The following TRPM4 variants were observed in gnomAD, a reference collection of about 807,000 sequenced individuals.
TRPM4 encodes the protein calcium-activated non-selective cation channel 1.
A neutral mutation model predicts 135.6 loss-of-function variants in TRPM4; 124 were observed. The ratio of observed to expected loss-of-function variants is 0.91; its 90% CI spans 0.79 to 1.06. The LOEUF (loss-of-function observed/expected upper bound fraction) is 1.06, where lower values mean the gene tolerates loss of function less well. Among genes scored for constraint, TRPM4 ranks in the 50% least tolerant of loss-of-function variants. TRPM4 has a pLI of 0.00. For synonymous variants in TRPM4, 745 were observed against 705.6 expected, an observed-to-expected ratio of 1.06 and a Z score of -0.88; for missense variants, 1,658 against 1,671.4, an observed-to-expected ratio of 0.99 and a Z score of 0.14.
At chr19:49,193,435 C>T (rs541373823) in intron 16 of TRPM4, among the ~76,000 whole-genome samples, 40 of 152,260 alleles carry the variant, frequency 2.6e-4, no homozygotes, top group Admixed American at 9.2e-4. Flanking sequence ...TATAATTATT[C>T]TCATTTTGCA....
intron 9 of TRPM4, among the ~76,000 whole-genome samples, chr19:49,176,067 G>A (rs1967681995): frequency 6.6e-6 from 1 of 150,996 alleles, no homozygotes; most frequent in Non-Finnish European, 1.5e-5. Flanking sequence ...GGGATTACAG[G>A]TGCCCACAAC....
At position 49,211,228 on chromosome 19, in the gene TRPM4, C is replaced by T; in HGVS notation, c.3599C>T (p.Pro1200Leu). The part of the protein sequence containing the change: ...AEALSRSALL[P>L]PGGPPPPDLP... ...GCCCTGAGCCGCTCTGCCTTGCTGC[C>T]CCCAGGTGGGCCGCCACCCCCTGAC... is the stretch of plus-strand genomic sequence containing the variant. Residue 1200 changes from proline (P) to leucine (L), a missense_variant, in exon 24 of 25, where the codon CCC becomes CTC. Around this residue, in one of 3 missense-constraint regions of TRPM4, gnomAD observed 1,412 missense variants for 1,408.7 expected, o/e 1.00. Transcript: ENST00000252826. The surrounding 1 kb of genome is among the most constrained non-coding windows in gnomAD (Gnocchi z 4.8). The T allele has an allele frequency of 1.3e-6, 2 of 1,595,000 alleles. No individual in the cohort carries two copies. Among genetic ancestry groups the T allele is most frequent in the Non-Finnish European group, 1.7e-6 (2 of 1,171,500 alleles).
intron 2 of TRPM4, among the ~76,000 whole-genome samples, chr19:49,161,798 T>G (rs1252962891): frequency 6.6e-6 from 1 of 152,028 alleles, no homozygotes; most frequent in Non-Finnish European, 1.5e-5. Context: ...CCTGGCTAAT[T>G]TTTGTACTTT....
At position 49,188,712 on chromosome 19, in the gene TRPM4, C is replaced by A. The variant is rs1344126455; in HGVS notation, c.1815C>A (p.Asp605Glu). Residue 605 changes from aspartate (D) to glutamate (E), a missense_variant, in exon 13 of 25, where the codon GAC (aspartate) becomes GAA (glutamate). Transcript: ENST00000252826. ...LLRVMARLEP[D>E]AEEAARRKDL... is the part of the protein sequence containing the mutation. ...GGGTGATGGCACGCCTGGAGCCTGA[C>A]GCTGAGGAGGCAGCACGGAGGAAAG... is the stretch of plus-strand genomic sequence containing the variant. The A allele has an allele frequency of 6.2e-7, 1 of 1,614,044 alleles. No individual in the cohort carries two copies. Among genetic ancestry groups the A allele is most frequent in the African/African-American group, 1.3e-5 (1 of 74,922 alleles).
chr19:49,195,874 T>TATC (rs1249409720), intron 16 of TRPM4, among the ~76,000 whole-genome samples: 1 of 149,846 alleles, frequency 6.7e-6, no homozygotes, highest in Non-Finnish European at 1.5e-5. Context: ...TTTATTTTAT[T>TATC]ATTATTATTA....
chr19:49,193,324 G>T (rs572314955), intron 16 of TRPM4, among the ~76,000 whole-genome samples: 1 of 152,008 alleles, frequency 6.6e-6, no homozygotes, highest in South Asian at 2.1e-4. Flanking sequence ...CTCGTGATCT[G>T]CCCGCCTCGG....
intron 14 of TRPM4, 22 bp from the exon 15 acceptor site, chr19:49,190,186 T>A: frequency 6.2e-7 from 1 of 1,603,214 alleles, no homozygotes; most frequent in Non-Finnish European, 8.5e-7. Flanking sequence ...ATTTGGATCC[T>A]AATCCTTCCC....
chr19:49,182,451 C>CCCATCCATCCAT (rs61258103), intron 10 of TRPM4, 127 bp from the exon 11 acceptor site: 116 of 687,692 alleles, frequency 1.7e-4, no homozygotes, highest in East Asian at 3.3e-4. Flanking sequence ...CATCCATCCA[C>CCCATCCATCCAT]CCATCCATCC....
chr19:49,182,775 A>C lies in TRPM4; in HGVS notation c.1461A>C (p.Lys487Asn). ...LDQASHSAGT[K>N]APALKGGAAE... ...AGGCGTCCCACAGCGCAGGCACCAAAGCCCCAGCCCTAAAAGGGGGAGCTG... is the reference window on the plus strand; with the variant it reads ...AGGCGTCCCACAGCGCAGGCACCAACGCCCCAGCCCTAAAAGGGGGAGCTG... The change falls in exon 11 of 25, where the codon AAA (lysine) becomes AAC (asparagine). Residue 487 changes from lysine (K) to asparagine (N), a missense_variant. By Grantham distance (94) the Lys-to-Asn change is moderately conservative. Transcript: ENST00000252826. 6.3e-7 allele frequency: 1 copy of C among 1,577,808 alleles called. No homozygotes were observed. Among genetic ancestry groups the C allele is most frequent in the South Asian group, 1.1e-5 (1 of 89,858 alleles).
At position 49,200,451 on chromosome 19, in the gene TRPM4, C is replaced by G; in HGVS notation, c.2778+19C>G. On this transcript the variant is annotated intron_variant, in intron 18 of 24. Transcript: ENST00000252826. ...CAAGATGGTGAGGCAGGGGCGGGGC[C>G]AAAGTGGGCGGGGACATAGGGAAAG... The G allele has an allele frequency of 1.3e-6, 1 of 756,918 alleles. No individual in the cohort carries two copies. The highest frequency in any genetic ancestry group is 2.0e-6 in the Non-Finnish European group (1 of 491,006). 46.9% of individuals were successfully genotyped at this position (756,918 alleles called of 1,614,324 possible).
intron 15 of TRPM4, 61 bp downstream of exon 15, chr19:49,190,381 GC>G: frequency 1.1e-5 from 16 of 1,397,476 alleles, no homozygotes; most frequent in Non-Finnish European, 6.1e-6. Context: ...TCTCCTTCCT[GC>G]CCCCTCTGCC....
chr19:49,188,344 T>C (rs1968274329), intron 12 of TRPM4, among the ~76,000 whole-genome samples: 1 of 152,168 alleles, frequency 6.6e-6, no homozygotes, highest in South Asian at 2.1e-4. Flanking sequence ...GGGATTATAG[T>C]CGTGAGCCAC....
intron 9 of TRPM4, among the ~76,000 whole-genome samples, chr19:49,178,763 T>A (rs1320500810): frequency 6.0e-4 from 42 of 70,432 alleles, no homozygotes; most frequent in African/African-American, 2.1e-3. Context: ...TATTTTTATT[T>A]TTTTATTTTT....
intron 12 of TRPM4, among the ~76,000 whole-genome samples, chr19:49,188,074 TGTTA>T (rs759476999): frequency 9.2e-5 from 14 of 152,164 alleles, no homozygotes; most frequent in Non-Finnish European, 1.8e-4. Context: ...GTAGCTAATT[TGTTA>T]GTCCTGCAAA....
chr19:49,188,016 T>C (rs568065002), intron 12 of TRPM4, among the ~76,000 whole-genome samples: 16 of 152,260 alleles, frequency 1.1e-4, no homozygotes, highest in Admixed American at 3.9e-4. Flanking sequence ...CCAGGAGCAA[T>C]TGGGGGAGCC....
intron 2 of TRPM4, among the ~76,000 whole-genome samples, chr19:49,163,473 C>T (rs1302641246): frequency 6.6e-6 from 1 of 152,082 alleles, no homozygotes. Flanking sequence ...GGATTACAGT[C>T]ATGAGCCACC....
intron 20 of TRPM4, among the ~76,000 whole-genome samples, chr19:49,208,266 G>T (rs566758762): frequency 6.6e-6 from 1 of 151,758 alleles, no homozygotes; most frequent in African/African-American, 2.4e-5. Flanking sequence ...GGATAACTGC[G>T]GGCGGGCCTG....
chr19:49,160,600 G>A (rs1259408126), intron 2 of TRPM4, among the ~76,000 whole-genome samples: 1 of 152,158 alleles, frequency 6.6e-6, no homozygotes, highest in East Asian at 1.9e-4. Flanking sequence ...CAGGGTGCAG[G>A]GAGCACTGTC....
At chr19:49,175,522 C>T (rs12971547) in intron 9 of TRPM4, among the ~76,000 whole-genome samples, 129 of 150,370 alleles carry the variant, frequency 8.6e-4, no homozygotes, top group Middle Eastern at 3.6e-3. Context: ...AAGAATTTTA[C>T]GGGGGAAATA....
Sources: gnomAD v4.1 joint callset for allele counts (sites outside exome capture counted in the v4.1 genomes callset) on GRCh38, gnomAD v4.1.1 for gene constraint, gnomAD v4.1.1 regional missense constraint, Gnocchi (gnomAD v3.1) non-coding constraint, MANE v1.5 for transcripts, NCBI Gene and HGNC (gene_info 2026-07-23, HGNC 2026-07-21) for gene names.